FBXO3: variants seen among roughly 807,000 people sequenced by gnomAD.
The protein encoded by FBXO3 is F-box only protein 3.
A neutral mutation model predicts 64.8 loss-of-function variants in FBXO3; 17 were observed. The observed-to-expected ratio is 0.26, with a 90% CI of 0.18 to 0.39. The LOEUF is 0.39. Among genes scored for constraint, FBXO3 ranks in the 10% least tolerant of loss-of-function variants. The probability of loss-of-function intolerance (pLI) is 1.00; values close to 1 mark genes in which losing one functional copy is unlikely to be tolerated. For synonymous variants in FBXO3, 182 were observed against 201.6 expected (o/e 0.90, Z 0.82); for missense variants, 420 against 589.9 (o/e 0.71, Z 2.98).
chr11:33,749,049 C>T (rs184361730), intron 8 of FBXO3, among the ~76,000 whole-genome samples, 157 bp from the exon 9 acceptor site: 145 of 152,268 alleles, frequency 9.5e-4, no homozygotes, highest in Middle Eastern at 6.8e-3. Flanking sequence ...TTTCTAAGTT[C>T]TCAAAGATAC....
chr11:33,771,947 G>C (rs1199126611), intron 1 of FBXO3: 1 of 152,214 alleles, frequency 6.6e-6, no homozygotes, highest in Non-Finnish European at 1.5e-5. Context: ...TACTGTTCTA[G>C]AGATTCTGAT....
At position 33,741,673 on chromosome 11, in the gene FBXO3, C is replaced by A; in HGVS notation, c.*235G>T. ...TTCCTTAGCTAGAGAACTATTCTTC[C>A]ACTGACTCCTGGAAGAGAAAAAAAA... On this transcript the variant is annotated 3_prime_UTR_variant, in exon 11 of 11. Coordinates refer to ENST00000265651, the MANE Select transcript of FBXO3 (RefSeq NM_012175.4). 1 of 344,200 alleles carries A rather than the reference C, an allele frequency of 2.9e-6. No individual in the cohort carries two copies. The highest frequency in any genetic ancestry group is 5.2e-6 in the Non-Finnish European group (1 of 192,538). 21.3% of individuals were successfully genotyped at this position (344,200 alleles called of 1,614,324 possible).
In FBXO3 at chr11:33,769,677, G is replaced by T. The variant is rs774277156; in HGVS notation, c.195-663C>A. On this transcript the variant is annotated intron_variant, in intron 2 of 10. Coordinates refer to ENST00000265651, the MANE Select transcript of FBXO3 (RefSeq NM_012175.4). The stretch of plus-strand genomic sequence containing the variant: ...CATACTAACGAGCTTAGTAAGAAAG[G>T]CTTGGTAAGCCTTTGTGATGAATAT... 2.0e-5 allele frequency among the ~76,000 whole-genome samples: 3 copies of T among 152,130 alleles called. No individual in the cohort carries two copies. The South Asian group carries it at 6.2e-4, about 32-fold the overall frequency.
intron 1 of FBXO3, 197 bp downstream of exon 1, chr11:33,774,197 G>A (rs565810838): frequency 2.5e-5 from 14 of 555,892 alleles, no homozygotes; most frequent in African/African-American, 1.6e-4. Flanking sequence ...AGGACAGGAG[G>A]AAGACTCAGG....
chr11:33,759,405 A>T (rs1046681338), intron 3 of FBXO3, among the ~76,000 whole-genome samples: 2 of 152,236 alleles, frequency 1.3e-5, no homozygotes, highest in Non-Finnish European at 2.9e-5. Context: ...AGGGCAAAAC[A>T]AACAGAGTTC....
In FBXO3 at chr11:33,758,469, A is replaced by C. The variant is rs1855161936; in HGVS notation, c.473+18T>G. The C allele has an allele frequency of 1.3e-6, 2 of 1,538,786 alleles. No homozygotes were observed. The highest frequency in any genetic ancestry group is 1.8e-6 in the Non-Finnish European group (2 of 1,126,182). On this transcript the variant is annotated intron_variant, in intron 4 of 10. Coordinates refer to ENST00000265651, the MANE Select transcript of FBXO3 (RefSeq NM_012175.4). ...TAACTTGCATCATTAAAAATAACCA[A>C]AACATTGAATATCTTACCCAGGAAC... is the stretch of plus-strand genomic sequence containing the variant.
chr11:33,774,298 G>T, intron 1 of FBXO3, 96 bp downstream of exon 1: 1 of 1,066,800 alleles, frequency 9.4e-7, no homozygotes. Flanking sequence ...TGTCGCGGAA[G>T]CTCGGGTCCT....
intron 3 of FBXO3, among the ~76,000 whole-genome samples, chr11:33,761,983 G>A (rs1341284044): frequency 6.6e-6 from 1 of 152,144 alleles, no homozygotes; most frequent in Admixed American, 6.5e-5. Context: ...AGGATAATTT[G>A]CTTTTTGATT....
At chr11:33,747,383 AG>A (rs1301370068) in intron 9 of FBXO3, 63 bp from the exon 10 acceptor site, 1 of 1,316,000 alleles carries the variant, frequency 7.6e-7, no homozygotes, top group Non-Finnish European at 1.1e-6. Flanking sequence ...ACAATAAATA[AG>A]GTATGGTCTC....
intron 10 of FBXO3, 26 bp from the exon 11 acceptor site, chr11:33,742,110 TAAG>T: frequency 2.0e-6 from 3 of 1,511,816 alleles, no homozygotes; most frequent in South Asian, 1.3e-5. Context: ...AATCTTTTGA[TAAG>T]AAGAGCATCT....
At chr11:33,748,241 G>A (rs1384074647) in intron 9 of FBXO3, among the ~76,000 whole-genome samples, 3 of 152,044 alleles carry the variant, frequency 2.0e-5, no homozygotes, top group Non-Finnish European at 4.4e-5. Context: ...ATCTATCCAT[G>A]GCAATGAATT....
At chr11:33,774,091 GC>G in intron 1 of FBXO3, 1 of 312,092 alleles carries the variant, frequency 3.2e-6, no homozygotes, top group Non-Finnish European at 6.1e-6. Context: ...GCGGAGCGCG[GC>G]GGTGCGGCAC....
intron 6 of FBXO3, 101 bp from the exon 7 acceptor site, chr11:33,751,708 C>A (rs1236866988): frequency 3.3e-6 from 2 of 605,456 alleles, no homozygotes; most frequent in Non-Finnish European, 5.6e-6. Context: ...AATGTGATAC[C>A]AAAACTAGAA....
chr11:33,746,704 C>A, intron 10 of FBXO3: 2 of 1,380,810 alleles, frequency 1.4e-6, no homozygotes, highest in South Asian at 2.7e-5. Context: ...AAGAAATGAT[C>A]CCAGAGAGAC....
At chr11:33,742,553 A>T (rs1004742310) in intron 10 of FBXO3, 4 of 152,884 alleles carry the variant, frequency 2.6e-5, no homozygotes, top group Non-Finnish European at 1.5e-5. Flanking sequence ...GGTAGCAAAC[A>T]GACCACTTGT....
At chr11:33,757,567 C>T (rs1855133465) in intron 4 of FBXO3, among the ~76,000 whole-genome samples, 1 of 139,552 alleles carries the variant, frequency 7.2e-6, no homozygotes, top group South Asian at 2.3e-4. Flanking sequence ...GCTTGTAGCC[C>T]CAGCTACTTG....
chr11:33,768,097 G>T lies in FBXO3; in HGVS notation c.358+754C>A, dbSNP rs550217398. 3.9e-5 allele frequency among the ~76,000 whole-genome samples: 6 copies of T among 152,316 alleles called. No homozygotes were observed. In the East Asian group the frequency reaches 9.7e-4, roughly 25 times the overall value. ...GGGAAGAAAATATTTGAGAAGAACT[G>T]ATTCCAATTTTAGCTTAGCAAAACC... is the stretch of plus-strand genomic sequence containing the variant. On this transcript the variant is annotated intron_variant, in intron 3 of 10. Transcript: ENST00000265651.
chr11:33,769,660 C>T (rs995548175), intron 2 of FBXO3, among the ~76,000 whole-genome samples: 12 of 151,972 alleles, frequency 7.9e-5, no homozygotes, highest in Non-Finnish European at 5.9e-5. Flanking sequence ...AACATACTAA[C>T]GAGCTTAGTA....
chr11:33,741,930 C>T lies in FBXO3; in HGVS notation c.1394G>A (p.Arg465His), dbSNP rs149595704. ...TTGCTAAAAAAGGCGTGAGCAGCGGCGTCTGCGAATGGGAACATCAAAGAC... is the reference window on the plus strand; with the variant it reads ...TTGCTAAAAAAGGCGTGAGCAGCGGTGTCTGCGAATGGGAACATCAAAGAC... ...RRVFDVPIRR[R>H]RCSRLF is the part of the protein sequence containing the mutation. Residue 465 changes from arginine (R) to histidine (H), a missense_variant, in exon 11 of 11, where the codon CGC becomes CAC. Physicochemically the swap from Arg to His is conservative, Grantham distance 29. Coordinates refer to ENST00000265651, the MANE Select transcript of FBXO3 (RefSeq NM_012175.4). The T allele has an allele frequency of 1.0e-4, 161 of 1,612,922 alleles. 1 individual carries two copies. The African/African-American group carries it at 1.1e-3, about 11-fold the overall frequency.
Sources: allele counts gnomAD v4.1 joint callset (sites outside exome capture counted in the v4.1 genomes callset), GRCh38; gene constraint gnomAD v4.1.1; transcripts MANE v1.5; gene names NCBI Gene and HGNC (gene_info 2026-07-23, HGNC 2026-07-21).